Variants in TPRG1 observed in about 807,000 individuals in gnomAD.
The protein encoded by TPRG1 is tumor protein p63 regulated 1, also known as tumor protein p63-regulated gene 1 protein.
A neutral mutation model predicts 29.3 loss-of-function variants in TPRG1; 29 were observed. The ratio of observed to expected loss-of-function variants is 0.99; its 90% CI spans 0.74 to 1.35. The LOEUF (loss-of-function observed/expected upper bound fraction) is 1.35, where lower values mean the gene tolerates loss of function less well. TPRG1 is among the 40% of genes most tolerant of loss of function. The pLI is 0.00. For synonymous variants in TPRG1, 130 were observed against 116.8 expected, an observed-to-expected ratio of 1.11 and a Z score of -0.73; for missense variants, 327 against 335.0, an observed-to-expected ratio of 0.98 and a Z score of 0.19.
At chr3:189,169,527 C>A (rs1358729440), upstream of TPRG1, among the ~76,000 whole-genome samples, 3 of 152,116 alleles carry the variant, frequency 2.0e-5, no homozygotes, top group African/African-American at 7.2e-5. Flanking sequence ...TCTCTGAAGG[C>A]CAATCTGGTA....
rs146123498 is a variant in TPRG1, at chr3:189,205,999, A to C, written c.-9-1377A>C. Among the ~76,000 whole-genome samples, 110 of 108,428 alleles carry C rather than the reference A, an allele frequency of 1.0e-3. 2 individuals are homozygous for C. The Middle Eastern group carries it at 0.027, about 26-fold the overall frequency. 71.1% of individuals were successfully genotyped at this position (108,428 alleles called of 152,430 possible). Reference sequence around the variant, plus strand: ...ACCATACATGTGTGCCTGTATATACATATGCAGGTACATTTCCTTCCTTCC... The same window carrying C: ...ACCATACATGTGTGCCTGTATATACCTATGCAGGTACATTTCCTTCCTTCC... On this transcript the variant is annotated intron_variant, in intron 1 of 5. Transcript: ENST00000345063.
At chr3:189,228,554 A>G (rs565557944) in intron 3 of TPRG1, among the ~76,000 whole-genome samples, 1 of 152,324 alleles carries the variant, frequency 6.6e-6, no homozygotes, top group Non-Finnish European at 1.5e-5. Context: ...CAGAGAAAGT[A>G]TTTGACAAAA....
intron 4 of TPRG1, among the ~76,000 whole-genome samples, chr3:189,082,076 T>C (rs148451122): frequency 1.3e-5 from 2 of 152,174 alleles, no homozygotes; most frequent in East Asian, 3.9e-4. Flanking sequence ...ACAAGATATA[T>C]CTGAGGTCTA....
At chr3:189,224,971 GC>G (rs1283522114) in intron 3 of TPRG1, among the ~76,000 whole-genome samples, 2 of 130,896 alleles carry the variant, frequency 1.5e-5, no homozygotes, top group African/African-American at 5.8e-5. Flanking sequence ...TCGCTCTGTT[GC>G]CCAGGCTGGA....
chr3:189,267,724 G>C (rs1714363219), intron 4 of TPRG1: 1 of 152,190 alleles, frequency 6.6e-6, no homozygotes, highest in Non-Finnish European at 1.5e-5. Context: ...AGTGTTGAAT[G>C]GTAAGATAGG....
chr3:189,030,071 G>A (rs540284956), intron 4 of TPRG1, among the ~76,000 whole-genome samples: 1 of 152,128 alleles, frequency 6.6e-6, no homozygotes, highest in African/African-American at 2.4e-5. Context: ...AACCAGAGGT[G>A]TTTCTTCTCT....
At chr3:189,103,646 C>G (rs2152195634) in intron 1 of TPRG1, among the ~76,000 whole-genome samples, 1 of 152,162 alleles carries the variant, frequency 6.6e-6, no homozygotes, top group East Asian at 1.9e-4. Context: ...GAAAACAACC[C>G]CCAAAAGCCA....
intron 1 of TPRG1, among the ~76,000 whole-genome samples, chr3:189,206,012 T>TTTCCTTCCTTCCTTCC (rs149478955): frequency 0.079 from 9,862 of 125,610 alleles, 667 homozygotes; most frequent in Admixed American, 0.15. Context: ...TGCAGGTACA[T>TTTCCTTCCTTCCTTCC]TTCCTTCCTT....
chr3:189,320,793 C>T lies in TPRG1; in HGVS notation c.801C>T (p.Ser267=). The change falls in exon 6 of 6, where the codon TCC becomes TCT. Residue 267 remains serine (S), a synonymous_variant. Transcript: ENST00000345063. ...GAAACCGCAACAAACTTGGCTATTC[C>T]CTTGCCCGTGGGAGTATTGGTTTTT... ...FIGNRNKLGY[S]LARGSIGF is the part of the protein sequence containing the mutation. 6.2e-7 allele frequency: 1 copy of T among 1,604,316 alleles called. No individual in the cohort carries two copies. The highest frequency in any genetic ancestry group is 8.5e-7 in the Non-Finnish European group (1 of 1,175,630).
chr3:189,093,570 A>C (rs1198741122), intron 4 of TPRG1, among the ~76,000 whole-genome samples: 5 of 152,210 alleles, frequency 3.3e-5, no homozygotes, highest in African/African-American at 4.8e-5. Flanking sequence ...TAGACACCAA[A>C]GAAGAAGCCA....
intron 1 of TPRG1, chr3:189,120,356 G>A (rs1233327413): frequency 6.6e-6 from 1 of 152,120 alleles, no homozygotes; most frequent in African/African-American, 2.4e-5. Flanking sequence ...TTGAGAATAT[G>A]CCCCAGTGAA....
At position 189,039,637 on chromosome 3, in the gene TPRG1, G is replaced by C. The variant is rs1370020380; in HGVS notation, c.-463+15691G>C. Among the ~76,000 whole-genome samples, 5 of 152,144 alleles carry C rather than the reference G, an allele frequency of 3.3e-5. No homozygotes were observed. The East Asian group carries it at 7.7e-4, about 23-fold the overall frequency. The stretch of plus-strand genomic sequence containing the variant: ...GTGAAAAGAAAGCAATTTCATAAGA[G>C]AACATGACAGTGAACATTTCTATTG... On this transcript the variant is annotated intron_variant, in intron 4 of 10. Coordinates refer to the TPRG1 transcript ENST00000433971.
At chr3:189,019,575 A>T (rs568423345) in intron 3 of TPRG1, among the ~76,000 whole-genome samples, 3 of 152,316 alleles carry the variant, frequency 2.0e-5, no homozygotes, top group South Asian at 4.1e-4. Context: ...CATCCCAGGG[A>T]TGAAGCCCAC....
At chr3:189,192,557 A>C (rs1437293063) in intron 1 of TPRG1, among the ~76,000 whole-genome samples, 2 of 152,180 alleles carry the variant, frequency 1.3e-5, no homozygotes, top group Non-Finnish European at 2.9e-5. Context: ...CATGAATTAG[A>C]AGGTCTTTAT....
intron 1 of TPRG1, among the ~76,000 whole-genome samples, chr3:188,997,997 C>CATTT (rs1711886016): frequency 6.6e-6 from 1 of 152,074 alleles, no homozygotes; most frequent in African/African-American, 2.4e-5. Flanking sequence ...TTCATTCATT[C>CATTT]ATTCATTCAT....
intron 5 of TPRG1, among the ~76,000 whole-genome samples, chr3:189,166,223 G>A (rs1043960526): frequency 1.3e-5 from 2 of 152,200 alleles, no homozygotes; most frequent in Non-Finnish European, 2.9e-5. Context: ...TGATAGATGA[G>A]TGCCATAGGA....
intron 3 of TPRG1, among the ~76,000 whole-genome samples, chr3:189,218,882 T>G (rs1291320846): frequency 6.6e-6 from 1 of 152,158 alleles, no homozygotes; most frequent in African/African-American, 2.4e-5. Context: ...AATAGTTTGA[T>G]GTAGGAGGGC....
chr3:189,269,225 G>A (rs561680363), intron 4 of TPRG1, among the ~76,000 whole-genome samples: 44 of 152,026 alleles, frequency 2.9e-4, no homozygotes, highest in Non-Finnish European at 5.7e-4. Flanking sequence ...AATGTTTTGG[G>A]TACTCCAGTA....
intron 3 of TPRG1, among the ~76,000 whole-genome samples, chr3:189,142,739 G>A (rs916142337): frequency 6.6e-6 from 1 of 152,090 alleles, no homozygotes; most frequent in Non-Finnish European, 1.5e-5. Flanking sequence ...GATTATTTTC[G>A]GCTGCCAGTT....
Sources: allele counts gnomAD v4.1 joint callset (sites outside exome capture counted in the v4.1 genomes callset), GRCh38; gene constraint gnomAD v4.1.1; transcripts MANE v1.5; gene names NCBI Gene and HGNC (gene_info 2026-07-23, HGNC 2026-07-21).